HS6ST3: variants seen among roughly 807,000 people sequenced by gnomAD.
HS6ST3 encodes heparan-sulfate 6-O-sulfotransferase 3.
In HS6ST3, 12 loss-of-function variants were observed where a neutral mutation model predicts 36.7. The ratio of observed to expected loss-of-function variants is 0.33; its 90% CI spans 0.21 to 0.53. The LOEUF is 0.53. Ranked by LOEUF, HS6ST3 falls within the 20% of genes least tolerant of loss-of-function variation. The pLI, the probability that HS6ST3 is intolerant of heterozygous loss-of-function variation, is 0.95. For synonymous variants in HS6ST3, 240 were observed against 257.5 expected (o/e 0.93, Z 0.65); for missense variants, 584 against 640.9 (o/e 0.91, Z 0.96).
At chr13:96,231,452 A>T (rs1013812816) in intron 1 of HS6ST3, among the ~76,000 whole-genome samples, 1 of 152,154 alleles carries the variant, frequency 6.6e-6, no homozygotes, top group Admixed American at 6.6e-5. Context: ...CAGGAAACTT[A>T]TAACTATGGC....
chr13:96,482,980 G>A (rs1029916573), intron 1 of HS6ST3, among the ~76,000 whole-genome samples: 17 of 152,318 alleles, frequency 1.1e-4, no homozygotes, highest in African/African-American at 3.4e-4. Flanking sequence ...TTGATAGTAA[G>A]TGGTGTTTAT....
chr13:96,722,346 A>G (rs974127991), intron 1 of HS6ST3, among the ~76,000 whole-genome samples: 12 of 152,348 alleles, frequency 7.9e-5, no homozygotes, highest in African/African-American at 2.9e-4. Flanking sequence ...AGGATATTGC[A>G]TCTCAATTTC....
intron 1 of HS6ST3, among the ~76,000 whole-genome samples, chr13:96,468,471 CACACAT>C (rs201149024): frequency 0.027 from 1,181 of 44,530 alleles, 11 homozygotes; most frequent in South Asian, 0.07. Context: ...ACAGGACATA[CACACAT>C]ACACACACAC....
intron 1 of HS6ST3, among the ~76,000 whole-genome samples, chr13:96,353,348 G>C (rs547806962): frequency 2.0e-5 from 3 of 152,024 alleles, no homozygotes; most frequent in Admixed American, 6.6e-5. Context: ...GAAGTGAATA[G>C]GTTCAAGTAC....
At chr13:96,671,392 A>G (rs1411068426) in intron 1 of HS6ST3, among the ~76,000 whole-genome samples, 1 of 152,166 alleles carries the variant, frequency 6.6e-6, no homozygotes, top group Admixed American at 6.6e-5. Flanking sequence ...AGTTATGCCC[A>G]ACTAACTACA....
chr13:96,646,056 G>A (rs1370785851), intron 1 of HS6ST3, among the ~76,000 whole-genome samples: 1 of 151,708 alleles, frequency 6.6e-6, no homozygotes, highest in Non-Finnish European at 1.5e-5. Flanking sequence ...ATAAAACTTA[G>A]AATTTTCAAG....
At position 96,383,546 on chromosome 13, in the gene HS6ST3, C is replaced by T. The variant is rs1384176285; in HGVS notation, c.707+291977C>T. 5.9e-5 allele frequency among the ~76,000 whole-genome samples: 9 copies of T among 152,292 alleles called. No individual in the cohort carries two copies. The East Asian group carries it at 1.2e-3, about 20-fold the overall frequency. ...GGGAAGAAGTTTCTGGAACAATGAA[C>T]CACACCTGGTGACAGAAGCTGAAGC... On this transcript the variant is annotated intron_variant, in intron 1 of 1. Transcript: ENST00000376705.
At chr13:96,744,218 G>A (rs1876510383) in intron 1 of HS6ST3, among the ~76,000 whole-genome samples, 3 of 151,880 alleles carry the variant, frequency 2.0e-5, no homozygotes, top group Admixed American at 1.3e-4. Flanking sequence ...CATAAGGAGT[G>A]TAATTTTCAC....
At chr13:96,533,358 T>A (rs1381510348) in intron 1 of HS6ST3, among the ~76,000 whole-genome samples, 1 of 152,182 alleles carries the variant, frequency 6.6e-6, no homozygotes, top group African/African-American at 2.4e-5. Flanking sequence ...TGATCCTGTA[T>A]GTTATTGACA....
chr13:96,193,703 T>A (rs2054299584), intron 1 of HS6ST3, among the ~76,000 whole-genome samples: 1 of 152,196 alleles, frequency 6.6e-6, no homozygotes, highest in Non-Finnish European at 1.5e-5. Context: ...ACAATAATGA[T>A]CTAGCCTATG....
At chr13:96,133,483 T>A (rs1471748175) in intron 1 of HS6ST3, among the ~76,000 whole-genome samples, 2 of 152,040 alleles carry the variant, frequency 1.3e-5, no homozygotes, top group Admixed American at 1.3e-4. Context: ...AGTGCAGTGG[T>A]GCAATCTTGG....
chr13:96,409,060 A>G (rs1431455271), intron 1 of HS6ST3, among the ~76,000 whole-genome samples: 1 of 152,254 alleles, frequency 6.6e-6, no homozygotes, highest in Non-Finnish European at 1.5e-5. Flanking sequence ...TTCTGAGTAA[A>G]CTGTAATAAC....
At chr13:96,454,186 G>T (rs2055743527) in intron 1 of HS6ST3, among the ~76,000 whole-genome samples, 1 of 152,008 alleles carries the variant, frequency 6.6e-6, no homozygotes. Flanking sequence ...TGGAGCCTGT[G>T]GATTAAGGGT....
At chr13:96,352,638 A>G (rs2055189353) in intron 1 of HS6ST3, among the ~76,000 whole-genome samples, 1 of 152,190 alleles carries the variant, frequency 6.6e-6, no homozygotes, top group Non-Finnish European at 1.5e-5. Flanking sequence ...CATGACTTCT[A>G]GGAGTCATAG....
In HS6ST3 at chr13:96,381,740, A is replaced by T. The variant is rs550948080; in HGVS notation, c.707+290171A>T. Among the ~76,000 whole-genome samples, 6 of 152,250 alleles carry T rather than the reference A, an allele frequency of 3.9e-5. No individual in the cohort carries two copies. In the East Asian group the frequency reaches 1.2e-3, roughly 29 times the overall value. The stretch of plus-strand genomic sequence containing the variant: ...CCTGGCTAGGATCGCCTGCTCTGTC[A>T]TGTACTTGCCTTGCATTTTGATCAC... On this transcript the variant is annotated intron_variant, in intron 1 of 1. Coordinates refer to ENST00000376705, the MANE Select transcript of HS6ST3 (RefSeq NM_153456.4).
chr13:96,208,083 T>G (rs1215092960), intron 1 of HS6ST3, among the ~76,000 whole-genome samples: 2 of 152,198 alleles, frequency 1.3e-5, no homozygotes, highest in Non-Finnish European at 2.9e-5. Flanking sequence ...CTTTGTTGCT[T>G]TATATTTTTG....
At chr13:96,682,354 A>C (rs766858898) in intron 1 of HS6ST3, among the ~76,000 whole-genome samples, 6 of 152,130 alleles carry the variant, frequency 3.9e-5, no homozygotes, top group Non-Finnish European at 8.8e-5. Context: ...GCTCAGTAAA[A>C]TCTTGCCTCC....
At chr13:96,119,755 T>TC (rs2053916030) in intron 1 of HS6ST3, among the ~76,000 whole-genome samples, 2 of 151,972 alleles carry the variant, frequency 1.3e-5, no homozygotes, top group South Asian at 4.2e-4. Flanking sequence ...ACATTTCTGC[T>TC]CCCCCAGTTT....
chr13:96,385,894 A>C (rs534722415), intron 1 of HS6ST3, among the ~76,000 whole-genome samples: 2 of 152,304 alleles, frequency 1.3e-5, no homozygotes, highest in South Asian at 4.1e-4. Context: ...TCATTTATCC[A>C]GTAGGTAGCA....
Sources: gnomAD v4.1 joint callset for allele counts (sites outside exome capture counted in the v4.1 genomes callset) on GRCh38, gnomAD v4.1.1 for gene constraint, MANE v1.5 for transcripts, NCBI Gene and HGNC (gene_info 2026-07-23, HGNC 2026-07-21) for gene names.